The following CAPS2 variants were observed in gnomAD, a reference collection of about 807,000 sequenced individuals.
CAPS2 encodes calcyphosine 2, also known as calcyphosin-2.
In CAPS2, 98 loss-of-function variants were observed where a neutral mutation model predicts 86.5. The ratio of observed to expected loss-of-function variants is 1.13; its 90% confidence interval spans 0.96 to 1.34. CAPS2 has a LOEUF of 1.34. Among genes scored for constraint, CAPS2 ranks in the 40% most tolerant of loss-of-function variants. The pLI, the probability that CAPS2 is intolerant of heterozygous loss-of-function variation, is 0.00. For synonymous variants in CAPS2, 210 were observed against 225.1 expected (o/e 0.93, Z 0.60); for missense variants, 729 against 686.8 (o/e 1.06, Z -0.69).
At chr12:75,347,379 T>G (rs1417347207) in intron 1 of CAPS2, among the ~76,000 whole-genome samples, 1 of 152,134 alleles carries the variant, frequency 6.6e-6, no homozygotes, top group African/African-American at 2.4e-5. Flanking sequence ...TTATATATTA[T>G]ATTATCCTTT....
intron 9 of CAPS2, among the ~76,000 whole-genome samples, chr12:75,299,295 C>T (rs774928191): frequency 3.3e-5 from 5 of 152,100 alleles, no homozygotes; most frequent in Non-Finnish European, 5.9e-5. Context: ...CCCATAGATA[C>T]AAATTTATTA....
rs752021004 is a variant in CAPS2, at chr12:75,298,707, G to A, written c.1024C>T (p.Arg342Ter). Reference sequence around the variant, plus strand: ...CTTACAACATAAAAATCACCAAGTCGGTATTGTTTTCCTTTTCTTCGTCCA... The same window carrying A: ...CTTACAACATAAAAATCACCAAGTCAGTATTGTTTTCCTTTTCTTCGTCCA... Residue 342 changes from arginine to a stop codon, truncating the protein, a stop_gained, in exon 11 of 17, where the codon CGA becomes TGA. Transcript: ENST00000393284. LOFTEE classifies it high-confidence loss of function. 16 of 1,613,460 alleles carry A rather than the reference G, an allele frequency of 9.9e-6. No individual in the cohort carries two copies. In the East Asian group the frequency reaches 1.1e-4, roughly 11 times the overall value.
At chr12:75,290,936 A>C (rs202155768) in intron 13 of CAPS2, among the ~76,000 whole-genome samples, 1 of 147,120 alleles carries the variant, frequency 6.8e-6, no homozygotes, top group Non-Finnish European at 1.5e-5. Context: ...AAAAAAAAAC[A>C]AAAAAAAAAC....
intron 1 of CAPS2, among the ~76,000 whole-genome samples, chr12:75,372,552 A>G (rs150357713): frequency 6.6e-6 from 1 of 152,190 alleles, no homozygotes; most frequent in African/African-American, 2.4e-5. Context: ...GTGGATCACT[A>G]GGGGTGATGG....
chr12:75,333,447 TACAC>T (rs34076211), upstream of CAPS2, among the ~76,000 whole-genome samples: 1 of 151,020 alleles, frequency 6.6e-6, no homozygotes, highest in South Asian at 2.1e-4. Flanking sequence ...CACACACATA[TACAC>T]ACACACACAC....
chr12:75,284,973 T>C (rs368171441), exon 15 of CAPS2: 9 of 1,602,510 alleles, frequency 5.6e-6, no homozygotes, highest in South Asian at 3.4e-5. Context: ...TTCGAACATA[T>C]GATTTCCTGT....
chr12:75,327,686 T>C (rs1419292346), upstream of CAPS2, among the ~76,000 whole-genome samples: 1 of 151,700 alleles, frequency 6.6e-6, no homozygotes, highest in East Asian at 1.9e-4. Context: ...AAAAACTTAA[T>C]CTCTATGAAC....
upstream of CAPS2, chr12:75,334,591 C>T: frequency 6.9e-7 from 1 of 1,451,880 alleles, no homozygotes; most frequent in Non-Finnish European, 9.0e-7. Flanking sequence ...CAAGTTGATC[C>T]AGCCGCGCTG....
At chr12:75,359,355 G>GTTTTTT (rs1463566931) in intron 1 of CAPS2, among the ~76,000 whole-genome samples, 4 of 46,432 alleles carry the variant, frequency 8.6e-5, no homozygotes, top group South Asian at 7.2e-4. Flanking sequence ...CAGCATTGTT[G>GTTTTTT]TCTTTTTTTT....
upstream of CAPS2, among the ~76,000 whole-genome samples, chr12:75,331,655 C>G (rs2041322267): frequency 6.6e-6 from 1 of 151,454 alleles, no homozygotes; most frequent in East Asian, 1.9e-4. Flanking sequence ...GCTCCGCCTC[C>G]CGGGTTCACG....
At chr12:75,364,728 C>A (rs2043849954) in intron 1 of CAPS2, 1 of 152,112 alleles carries the variant, frequency 6.6e-6, no homozygotes, top group Non-Finnish European at 1.5e-5. Context: ...TTATTAAAAC[C>A]TTTTAAGCTA....
At chr12:75,335,161 G>A (rs1311741499) in intron 1 of CAPS2, among the ~76,000 whole-genome samples, 1 of 152,084 alleles carries the variant, frequency 6.6e-6, no homozygotes, top group Admixed American at 6.6e-5. Flanking sequence ...TTGCTTTGTT[G>A]CACCACTAAA....
At chr12:75,290,945 A>C (rs200534312) in intron 13 of CAPS2, among the ~76,000 whole-genome samples, 39 of 80,402 alleles carry the variant, frequency 4.9e-4, no homozygotes, top group Middle Eastern at 6.3e-3. Context: ...CAAAAAAAAA[A>C]CATAAATTAC....
At chr12:75,327,774 G>A (rs1022029822), upstream of CAPS2, among the ~76,000 whole-genome samples, 1 of 149,378 alleles carries the variant, frequency 6.7e-6, no homozygotes, top group Non-Finnish European at 1.5e-5. Flanking sequence ...TTCAATAAAC[G>A]GTAGCCATCA....
chr12:75,301,146 G>A (rs1176376493), intron 8 of CAPS2, among the ~76,000 whole-genome samples: 2 of 152,142 alleles, frequency 1.3e-5, no homozygotes, highest in African/African-American at 4.8e-5. Context: ...TAAGAGATCT[G>A]AAGACTAAAT....
chr12:75,285,699 A>G (rs1415038307), intron 14 of CAPS2, among the ~76,000 whole-genome samples: 1 of 151,886 alleles, frequency 6.6e-6, no homozygotes, highest in South Asian at 2.1e-4. Context: ...CTATAGATAT[A>G]TAGATATGTG....
At chr12:75,346,395 C>CTT (rs963733264) in intron 1 of CAPS2, among the ~76,000 whole-genome samples, 1 of 145,978 alleles carries the variant, frequency 6.9e-6, no homozygotes, top group Non-Finnish European at 1.5e-5. Context: ...AAGCAAAACT[C>CTT]TTTTTTTTTT....
At chr12:75,354,654 A>G (rs773250604) in intron 1 of CAPS2, among the ~76,000 whole-genome samples, 2 of 152,204 alleles carry the variant, frequency 1.3e-5, no homozygotes, top group African/African-American at 2.4e-5. Context: ...GGAACCAAAA[A>G]AGGGTTTGTG....
chr12:75,328,921 C>T (rs1418339533), upstream of CAPS2, among the ~76,000 whole-genome samples: 3 of 152,208 alleles, frequency 2.0e-5, no homozygotes, highest in African/African-American at 7.2e-5. Context: ...ATACATGGAA[C>T]ACTTTCGGAT....
Sources: allele counts gnomAD v4.1 joint callset (sites outside exome capture counted in the v4.1 genomes callset), GRCh38; gene constraint gnomAD v4.1.1; transcripts MANE v1.5; gene names NCBI Gene and HGNC (gene_info 2026-07-23, HGNC 2026-07-21).